RBPJ: variants seen among roughly 807,000 people sequenced by gnomAD.
The protein encoded by RBPJ is recombining binding protein suppressor of hairless.
Under a neutral mutation model 67.8 loss-of-function variants are expected in RBPJ, and 9 were observed. The observed-to-expected ratio is 0.13, with a 90% CI of 0.08 to 0.23. RBPJ has a LOEUF of 0.23. Ranked by LOEUF, RBPJ falls within the 10% of genes least tolerant of loss-of-function variation. The pLI is 1.00. For missense variants in RBPJ, 305 were observed against 595.6 expected, an observed-to-expected ratio of 0.51 and a Z score of 5.08; for synonymous variants, 198 against 203.3, an observed-to-expected ratio of 0.97 and a Z score of 0.22.
Position 26,264,122 on chromosome 4 carries a change from A to G in RBPJ, c.-166-98324A>G, listed in dbSNP as rs115432205. Among the ~76,000 whole-genome samples the G allele has an allele frequency of 4.8e-3, 725 of 151,748 alleles. 4 individuals are homozygous for G. The highest frequency in any genetic ancestry group is 0.017 in the African/African-American group (697 of 41,322). On this transcript the variant is annotated intron_variant, in intron 1 of 4. Transcript: ENST00000512351. This position sits in a 1 kb window ranked among gnomAD's most constrained non-coding sequence, Gnocchi z 4.1. Reference sequence around the variant, plus strand: ...TGGTCTTGAACTCTCGACTCAGGTGATCCACCCAACTCAACCTCCCAAAGT... The same window carrying G: ...TGGTCTTGAACTCTCGACTCAGGTGGTCCACCCAACTCAACCTCCCAAAGT...
chr4:26,209,290 C>A (rs1235239564), intron 1 of RBPJ, among the ~76,000 whole-genome samples: 6 of 151,964 alleles, frequency 3.9e-5, no homozygotes, highest in African/African-American at 1.5e-4. Flanking sequence ...GATGTGGTGA[C>A]TTTTGGTTTT....
chr4:26,280,449 T>C (rs1306517206), intron 1 of RBPJ, among the ~76,000 whole-genome samples: 1 of 148,344 alleles, frequency 6.7e-6, no homozygotes, highest in East Asian at 2.0e-4. Context: ...CCCTGGACAA[T>C]GGTGCTTGTT....
At chr4:26,144,641 G>A in the RBPJ span, among the ~76,000 whole-genome samples, 3 of 152,124 alleles carry the variant, frequency 2.0e-5, no homozygotes, top group Non-Finnish European at 2.9e-5. Flanking sequence ...TGGCTGAAAT[G>A]CAAAAAGAGA....
the RBPJ span, among the ~76,000 whole-genome samples, chr4:26,121,179 C>T: frequency 7.2e-5 from 11 of 152,224 alleles, no homozygotes; most frequent in Non-Finnish European, 1.3e-4. Context: ...ATGCATCAAG[C>T]TCCCTGGGCA....
At chr4:26,358,656 G>A (rs1222328610) in intron 1 of RBPJ, among the ~76,000 whole-genome samples, 1 of 150,474 alleles carries the variant, frequency 6.6e-6, no homozygotes, top group Non-Finnish European at 1.5e-5. Context: ...CGTGGTGCAT[G>A]CCTATAGTTC....
At chr4:26,194,298 G>A (rs1320362996) in intron 1 of RBPJ, among the ~76,000 whole-genome samples, 2 of 152,132 alleles carry the variant, frequency 1.3e-5, no homozygotes, top group Non-Finnish European at 2.9e-5. Flanking sequence ...TGAGCCCCGG[G>A]TAAGAAACAC....
At chr4:26,125,914 A>G in the RBPJ span, among the ~76,000 whole-genome samples, 13 of 152,164 alleles carry the variant, frequency 8.5e-5, no homozygotes, top group African/African-American at 1.2e-4. Context: ...AGGCAGCATA[A>G]CAGCTCCTCC....
At chr4:26,280,802 G>GA (rs1435155602) in intron 1 of RBPJ, among the ~76,000 whole-genome samples, 2 of 152,068 alleles carry the variant, frequency 1.3e-5, no homozygotes, top group Admixed American at 6.5e-5. Context: ...ATAAATTGGA[G>GA]ACTTCCCATG....
the RBPJ span, among the ~76,000 whole-genome samples, chr4:26,140,690 C>T: frequency 7.1e-6 from 1 of 141,330 alleles, no homozygotes; most frequent in Non-Finnish European, 1.5e-5. Flanking sequence ...TGGTCACCAG[C>T]GTTTTGATTA....
Position 26,216,722 on chromosome 4 carries a change from C to G in RBPJ, c.-167+53108C>G, listed in dbSNP as rs139209253. ...TGGATCACTTAAGCCTGGGAGTTTG[C>G]GAGCAACCTAGGCAACATGGCAAAA... On this transcript the variant is annotated intron_variant, in intron 1 of 4. Coordinates refer to the RBPJ transcript ENST00000512351. 1.1e-4 allele frequency among the ~76,000 whole-genome samples: 16 copies of G among 152,094 alleles called. No homozygotes were observed. In the South Asian group the frequency reaches 3.3e-3, roughly 32 times the overall value.
chr4:26,332,552 A>G (rs1191662655), intron 1 of RBPJ, among the ~76,000 whole-genome samples: 1 of 152,158 alleles, frequency 6.6e-6, no homozygotes, highest in African/African-American at 2.4e-5. Context: ...TGATATGGAA[A>G]TTTTTCTTAG....
At chr4:26,214,415 A>G (rs1718549445) in intron 1 of RBPJ, among the ~76,000 whole-genome samples, 1 of 142,894 alleles carries the variant, frequency 7.0e-6, no homozygotes, top group African/African-American at 2.6e-5. Flanking sequence ...AGAGAGAGAA[A>G]GAAAGAAAGA....
At chr4:26,405,155 T>C (rs923929053) in intron 2 of RBPJ, among the ~76,000 whole-genome samples, 13 of 152,220 alleles carry the variant, frequency 8.5e-5, no homozygotes, top group African/African-American at 3.1e-4. Context: ...GGAGGTGTTA[T>C]TATCTTCAGT....
intron 1 of RBPJ, among the ~76,000 whole-genome samples, chr4:26,305,771 C>CT (rs71276617): frequency 0.41 from 27,551 of 67,436 alleles, 6,685 homozygotes; most frequent in Non-Finnish European, 0.47. Flanking sequence ...ATTTTCTTTT[C>CT]TTTTTTTTTT....
At chr4:26,358,784 T>TAA (rs56969605) in intron 1 of RBPJ, among the ~76,000 whole-genome samples, 1 of 147,270 alleles carries the variant, frequency 6.8e-6, no homozygotes, top group African/African-American at 2.5e-5. Context: ...TCTTGTCTCT[T>TAA]AAAAAAAAAA....
upstream of RBPJ, among the ~76,000 whole-genome samples, chr4:26,316,595 AATAT>A (rs200472663): frequency 1.6e-5 from 2 of 121,492 alleles, no homozygotes; most frequent in South Asian, 2.3e-4. Flanking sequence ...TCATATATAT[AATAT>A]ATATATACAC....
chr4:26,405,536 G>T lies in RBPJ; in HGVS notation c.60-639G>T, dbSNP rs909603843. On this transcript the variant is annotated intron_variant, in intron 2 of 10. Transcript: ENST00000355476. ...TATGTAGAGTTGTTTTTACTTGAAA[G>T]AATTAACATTGTATTTTTTTCAAAA... Among the ~76,000 whole-genome samples the T allele has an allele frequency of 9.2e-5, 14 of 152,076 alleles. 1 individual carries two copies. Among genetic ancestry groups the T allele is most frequent in the East Asian group, 7.7e-4 (4 of 5,198 alleles).
intron 1 of RBPJ, among the ~76,000 whole-genome samples, chr4:26,254,994 A>C (rs116128213): frequency 7.7e-6 from 1 of 129,224 alleles, no homozygotes; most frequent in South Asian, 2.4e-4. Context: ...GAACCACCGC[A>C]CCTGGCCAAC....
intron 1 of RBPJ, among the ~76,000 whole-genome samples, chr4:26,375,175 G>C (rs1729578144): frequency 6.6e-6 from 1 of 151,650 alleles, no homozygotes; most frequent in African/African-American, 2.4e-5. Context: ...ATGGTGGCTC[G>C]CACCTGTGGT....
Sources: allele counts gnomAD v4.1 joint callset (sites outside exome capture counted in the v4.1 genomes callset), GRCh38; gene constraint gnomAD v4.1.1; non-coding constraint Gnocchi (gnomAD v3.1); transcripts MANE v1.5; gene names NCBI Gene and HGNC (gene_info 2026-07-23, HGNC 2026-07-21).